Variants in UBE2E1 observed in about 807,000 individuals in gnomAD.
UBE2E1 encodes the protein ubiquitin-conjugating enzyme E2 E1.
In UBE2E1, 6 loss-of-function variants were observed where a neutral mutation model predicts 21.4. The ratio of observed to expected loss-of-function variants is 0.28; its 90% CI spans 0.15 to 0.55. UBE2E1 has a LOEUF of 0.55. Ranked by LOEUF, UBE2E1 falls within the 20% of genes least tolerant of loss-of-function variation. UBE2E1 has a pLI of 0.93. For synonymous variants in UBE2E1, 87 were observed against 82.7 expected, an observed-to-expected ratio of 1.05 and a Z score of -0.28; for missense variants, 142 against 236.5, an observed-to-expected ratio of 0.60 and a Z score of 2.62.
At chr3:23,883,347 T>C (rs1701098865) in intron 3 of UBE2E1, among the ~76,000 whole-genome samples, 2 of 152,156 alleles carry the variant, frequency 1.3e-5, no homozygotes, top group Non-Finnish European at 2.9e-5. Context: ...GGTGGGATGC[T>C]TGAACAGCCT....
intron 3 of UBE2E1, among the ~76,000 whole-genome samples, chr3:23,868,251 T>G (rs2125317670): frequency 6.6e-6 from 1 of 152,304 alleles, no homozygotes; most frequent in South Asian, 2.1e-4. Flanking sequence ...AGCATTGGCT[T>G]TCTACTCAGA....
rs1447913672 is a variant in UBE2E1, at chr3:23,810,464, A to G, written c.153-996A>G. ...CTCCAGTCTATCCCCAGTGTGAGCT[A>G]GAGAGCGGACCATGAAGGAAGTGGG... is the stretch of plus-strand genomic sequence containing the variant. On this transcript the variant is annotated intron_variant, in intron 2 of 5. Coordinates refer to ENST00000306627, the MANE Select transcript of UBE2E1 (RefSeq NM_003341.5). This position sits in a 1 kb window ranked among gnomAD's most constrained non-coding sequence, Gnocchi z 5.8. The G allele has an allele frequency of 6.5e-7, 1 of 1,535,630 alleles. No individual in the cohort carries two copies. The highest frequency in any genetic ancestry group is 8.7e-7 in the Non-Finnish European group (1 of 1,146,582).
At position 23,810,228 on chromosome 3, in the gene UBE2E1, G is replaced by A. The variant is rs114740525; in HGVS notation, c.153-1232G>A. On this transcript the variant is annotated intron_variant, in intron 2 of 5. Transcript: ENST00000306627. The surrounding 1 kb of genome is among the most constrained non-coding windows in gnomAD (Gnocchi z 5.8). ...CCCCATTGGGCTTTATATGATAGGA[G>A]GAGGAAAGGTTATAAAATTAGGCAC... Among the ~76,000 whole-genome samples the A allele has an allele frequency of 0.01, 1,545 of 152,284 alleles. 25 individuals carry two copies. The highest frequency in any genetic ancestry group is 0.034 in the African/African-American group (1,423 of 41,540).
intron 3 of UBE2E1, among the ~76,000 whole-genome samples, chr3:23,819,014 G>A (rs1699587708): frequency 1.3e-5 from 2 of 152,208 alleles, no homozygotes; most frequent in South Asian, 2.1e-4. Flanking sequence ...TCCGGGCACG[G>A]TGGCTTACGC....
chr3:23,833,723 G>A (rs186372762), intron 3 of UBE2E1, among the ~76,000 whole-genome samples: 11 of 152,364 alleles, frequency 7.2e-5, no homozygotes, highest in African/African-American at 1.7e-4. Context: ...GTGGCTGGGC[G>A]TGATGGCTTA....
At chr3:23,848,579 G>C (rs1031167834) in intron 3 of UBE2E1, among the ~76,000 whole-genome samples, 7 of 152,160 alleles carry the variant, frequency 4.6e-5, no homozygotes, top group African/African-American at 1.7e-4. Context: ...AATAAGCTTG[G>C]AGGAAGATAA....
At chr3:23,882,494 C>T (rs1037067789) in intron 3 of UBE2E1, among the ~76,000 whole-genome samples, 22 of 152,384 alleles carry the variant, frequency 1.4e-4, no homozygotes, top group East Asian at 5.8e-4. Flanking sequence ...GCCGGGGCTG[C>T]GGGCGGAGCT....
chr3:23,833,515 G>C (rs1195666729), intron 3 of UBE2E1, among the ~76,000 whole-genome samples: 2 of 152,238 alleles, frequency 1.3e-5, no homozygotes, highest in South Asian at 4.1e-4. Flanking sequence ...AACGCCACAT[G>C]AGAGTCTGAA....
intron 3 of UBE2E1, among the ~76,000 whole-genome samples, chr3:23,882,393 G>T (rs758974041): frequency 6.6e-6 from 1 of 152,244 alleles, no homozygotes; most frequent in Non-Finnish European, 1.5e-5. Flanking sequence ...AATGCTGATT[G>T]GTACATTTAC....
At chr3:23,881,959 G>T (rs1293231231) in intron 3 of UBE2E1, among the ~76,000 whole-genome samples, 2 of 152,156 alleles carry the variant, frequency 1.3e-5, no homozygotes, top group African/African-American at 4.8e-5. Flanking sequence ...GTCCGGAGTT[G>T]TTTATTCCTT....
chr3:23,851,854 C>CTT (rs1209813176), intron 3 of UBE2E1, among the ~76,000 whole-genome samples: 2 of 152,076 alleles, frequency 1.3e-5, no homozygotes, highest in African/African-American at 4.8e-5. Context: ...CCCTCCAAAT[C>CTT]CTGTGTTGAA....
intron 3 of UBE2E1, among the ~76,000 whole-genome samples, chr3:23,855,235 C>G (rs1700409416): frequency 6.6e-6 from 1 of 152,170 alleles, no homozygotes; most frequent in African/African-American, 2.4e-5. Flanking sequence ...ACAACCTTCT[C>G]TAGGAAACAC....
intron 5 of UBE2E1, 109 bp from the exon 6 acceptor site, chr3:23,890,400 T>A: frequency 1.0e-6 from 1 of 978,792 alleles, no homozygotes; most frequent in African/African-American, 1.7e-5. Flanking sequence ...CGAAGATGGG[T>A]TTGATCACAC....
intron 3 of UBE2E1, among the ~76,000 whole-genome samples, chr3:23,859,465 C>T (rs377641196): frequency 6.6e-6 from 1 of 152,256 alleles, no homozygotes; most frequent in African/African-American, 2.4e-5. Flanking sequence ...TGTGGATGAC[C>T]CATATCTATC....
chr3:23,857,414 G>T (rs1028764932), intron 3 of UBE2E1, among the ~76,000 whole-genome samples: 5 of 152,176 alleles, frequency 3.3e-5, no homozygotes, highest in Non-Finnish European at 7.4e-5. Flanking sequence ...AAATTTTCAT[G>T]TGGGAAGAAT....
Position 23,824,819 on chromosome 3 carries a change from GA to G in UBE2E1, c.203+13319del, listed in dbSNP as rs1033510416. Among the ~76,000 whole-genome samples, 23 of 147,832 alleles carry G rather than the reference GA, an allele frequency of 1.6e-4. No homozygotes were observed. The East Asian group carries it at 3.7e-3, about 24-fold the overall frequency. On this transcript the variant is annotated intron_variant, in intron 3 of 5. Transcript: ENST00000306627. ...CTTCCTCCCCTTCCTGCTCCCTTAA[GA>G]AAAAAAAAATGGTTAGCCAGTTCGG...
chr3:23,847,391 A>T (rs1314827745), intron 3 of UBE2E1, among the ~76,000 whole-genome samples: 1 of 152,154 alleles, frequency 6.6e-6, no homozygotes, highest in East Asian at 1.9e-4. Context: ...TATGACTGAA[A>T]TGAAGCTTAT....
Position 23,807,227 on chromosome 3 carries a change from C to G in UBE2E1, c.-33-10C>G. ...TTGTGTGTTTCTGTTTTGTTTCTCTCCCCCTGCAGGGGCTGTTTGCGGGGT... is the reference window on the plus strand; with the variant it reads ...TTGTGTGTTTCTGTTTTGTTTCTCTGCCCCTGCAGGGGCTGTTTGCGGGGT... On this transcript the variant is annotated splice_polypyrimidine_tract_variant and intron_variant, in intron 1 of 5. Coordinates refer to ENST00000306627, the MANE Select transcript of UBE2E1 (RefSeq NM_003341.5). The G allele has an allele frequency of 6.3e-7, 1 of 1,586,630 alleles. No individual in the cohort carries two copies. Among genetic ancestry groups the G allele is most frequent in the African/African-American group, 1.4e-5 (1 of 73,526 alleles).
chr3:23,839,056 C>G (rs1370805979), intron 3 of UBE2E1, among the ~76,000 whole-genome samples: 4 of 152,126 alleles, frequency 2.6e-5, no homozygotes, highest in Non-Finnish European at 5.9e-5. Flanking sequence ...GACCCCTCAA[C>G]AATCCCTCTC....
Sources: allele counts gnomAD v4.1 joint callset (sites outside exome capture counted in the v4.1 genomes callset), GRCh38; gene constraint gnomAD v4.1.1; non-coding constraint Gnocchi (gnomAD v3.1); transcripts MANE v1.5; gene names NCBI Gene and HGNC (gene_info 2026-07-23, HGNC 2026-07-21).